The following DMD variants were observed in gnomAD, a reference collection of about 807,000 sequenced individuals.
The protein encoded by DMD is mutant dystrophin.
Under a neutral mutation model 330.1 loss-of-function variants are expected in DMD, and 63 were observed. The observed-to-expected ratio is 0.19, with a 90% CI of 0.16 to 0.24. DMD has a LOEUF of 0.24. DMD is among the 10% of genes least tolerant of loss of function. DMD has a pLI of 1.00. For missense variants in DMD, 3,344 were observed against 2,684.1 expected (o/e 1.25, Z -5.43); for synonymous variants, 1,223 against 959.8 (o/e 1.27, Z -5.07).
intron 49 of DMD, among the ~76,000 whole-genome samples, chrX:31,835,326 T>C (rs956308105): frequency 4.5e-5 from 5 of 111,872 alleles, no homozygotes; most frequent in Admixed American, 2.8e-4. Flanking sequence ...ACGTATGCAA[T>C]TGTCCATTTG....
chrX:33,099,854 A>T (rs191376898), intron 1 of DMD, among the ~76,000 whole-genome samples: 54 of 111,723 alleles, frequency 4.8e-4, no homozygotes, highest in African/African-American at 1.5e-3. Flanking sequence ...AGCCAAGAAA[A>T]ATCGACATAG....
intron 55 of DMD, among the ~76,000 whole-genome samples, chrX:31,537,284 C>CCTAT (rs1225351134): frequency 9.0e-6 from 1 of 111,711 alleles, no homozygotes; most frequent in Non-Finnish European, 1.9e-5. Context: ...TAGTCTGTCT[C>CCTAT]CTATCTACTG....
chrX:31,137,311 G>C (rs947881715), intron 76 of DMD, among the ~76,000 whole-genome samples: 1 of 112,268 alleles, frequency 8.9e-6, no homozygotes, highest in East Asian at 2.8e-4. Context: ...GAGCCACCAC[G>C]CCCAGGCTCA....
chrX:33,215,232 G>C (rs1201043500), upstream of DMD, among the ~76,000 whole-genome samples: 1 of 108,575 alleles, frequency 9.2e-6, no homozygotes, highest in Non-Finnish European at 1.9e-5. Context: ...GGCTGAGGCT[G>C]GAGAATCGCT....
intron 60 of DMD, among the ~76,000 whole-genome samples, chrX:31,363,463 T>C (rs1352913373): frequency 1.0e-5 from 1 of 99,952 alleles, no homozygotes; most frequent in African/African-American, 3.7e-5. Context: ...TCACTGCAAC[T>C]TCCGCTTCCC....
intron 48 of DMD, among the ~76,000 whole-genome samples, 184 bp downstream of exon 48, chrX:31,875,004 A>G (rs1204248663): frequency 1.8e-5 from 2 of 110,210 alleles, no homozygotes; most frequent in African/African-American, 6.6e-5. Flanking sequence ...TCTCTATCCA[A>G]CCTCCTGTAA....
chrX:32,753,266 T>C (rs913160301), intron 7 of DMD, among the ~76,000 whole-genome samples: 6 of 112,189 alleles, frequency 5.3e-5, no homozygotes, highest in Non-Finnish European at 9.4e-5. Flanking sequence ...TAAACTATTA[T>C]ACAATCATAA....
chrX:31,877,837 G>A (rs781379062), intron 47 of DMD, among the ~76,000 whole-genome samples: 103 of 111,393 alleles, frequency 9.2e-4, no homozygotes, highest in Non-Finnish European at 1.6e-3. Context: ...ATTTTTATTG[G>A]ATCATTTTCT....
At chrX:32,669,975 G>A (rs1018901321) in intron 9 of DMD, among the ~76,000 whole-genome samples, 6 of 111,315 alleles carry the variant, frequency 5.4e-5, no homozygotes, top group Admixed American at 3.8e-4. Flanking sequence ...ATGAACTGAC[G>A]ATTCGTGCTT....
chrX:31,126,820 A>AAAC, intron 77 of DMD, 147 bp from the exon 78 acceptor site: 1 of 487,187 alleles, frequency 2.1e-6, no homozygotes. Flanking sequence ...AAAAAAAAAA[A>AAAC]AAAACAGAAA....
At chrX:32,695,477 T>C (rs2063579829) in intron 9 of DMD, among the ~76,000 whole-genome samples, 1 of 111,136 alleles carries the variant, frequency 9.0e-6, no homozygotes, top group Middle Eastern at 4.7e-3. Context: ...TTCGAGGCAG[T>C]TTAGGAGAGT....
chrX:32,255,137 G>T (rs2097293097), intron 43 of DMD, among the ~76,000 whole-genome samples: 1 of 111,865 alleles, frequency 8.9e-6, no homozygotes, highest in Admixed American at 9.5e-5. Context: ...GCAGAATACT[G>T]TTCTGCTGTA....
intron 55 of DMD, among the ~76,000 whole-genome samples, chrX:31,581,936 T>C (rs991260556): frequency 9.0e-6 from 1 of 111,689 alleles, no homozygotes; most frequent in African/African-American, 3.3e-5. Context: ...TCCTAAATTG[T>C]AAGCACTGTA....
intron 1 of DMD, among the ~76,000 whole-genome samples, chrX:33,124,862 T>A (rs980909291): frequency 2.8e-5 from 3 of 107,572 alleles, no homozygotes; most frequent in Non-Finnish European, 5.8e-5. Flanking sequence ...CCGTCTCTCC[T>A]AAAAATACAA....
chrX:32,418,888 G>T (rs1394699037), intron 29 of DMD, among the ~76,000 whole-genome samples: 2 of 102,745 alleles, frequency 1.9e-5, no homozygotes, highest in African/African-American at 7.3e-5. Flanking sequence ...CAGGAGAATG[G>T]TGTGAACCCG....
intron 7 of DMD, among the ~76,000 whole-genome samples, chrX:32,760,000 C>A (rs1252515088): frequency 1.8e-5 from 2 of 112,124 alleles, no homozygotes; most frequent in Non-Finnish European, 3.8e-5. Flanking sequence ...CAGAAAAATA[C>A]ATGGAATCAG....
At chrX:32,650,320 T>G (rs191229399) in intron 9 of DMD, among the ~76,000 whole-genome samples, 1,613 of 111,926 alleles carry the variant, frequency 0.014, 22 homozygotes, top group African/African-American at 0.049. Context: ...TTCAAGAACA[T>G]TTGCAAATTT....
At chrX:32,512,468 T>C (rs1159159296) in intron 18 of DMD, among the ~76,000 whole-genome samples, 3 of 112,311 alleles carry the variant, frequency 2.7e-5, no homozygotes, top group Non-Finnish European at 3.8e-5. Context: ...AAAAATCACA[T>C]ATCCATATAG....
intron 50 of DMD, among the ~76,000 whole-genome samples, chrX:31,776,413 A>T (rs2090660893): frequency 9.2e-6 from 1 of 108,493 alleles, no homozygotes; most frequent in African/African-American, 3.4e-5. Flanking sequence ...TTTTCTCCAG[A>T]CTTACTTCTG....
Sources: gnomAD v4.1 joint callset for allele counts (sites outside exome capture counted in the v4.1 genomes callset) on GRCh38, gnomAD v4.1.1 for gene constraint, MANE v1.5 for transcripts, NCBI Gene and HGNC (gene_info 2026-07-23, HGNC 2026-07-21) for gene names.